The following FSHR variants were observed in gnomAD, a reference collection of about 807,000 sequenced individuals.
FSHR encodes the protein follicle-stimulating hormone receptor.
In FSHR, 46 loss-of-function variants were observed where a neutral mutation model predicts 52.1. The ratio of observed to expected loss-of-function variants is 0.88; its 90% CI spans 0.70 to 1.13. FSHR has a LOEUF of 1.13. FSHR is among the 50% of genes most tolerant of loss of function. The pLI is 0.00. For missense variants in FSHR, 964 were observed against 834.6 expected (o/e 1.16, Z -1.91); for synonymous variants, 399 against 309.6 (o/e 1.29, Z -3.03).
At chr2:49,096,235 A>C (rs1206817519) in intron 1 of FSHR, among the ~76,000 whole-genome samples, 1 of 152,226 alleles carries the variant, frequency 6.6e-6, no homozygotes, top group Non-Finnish European at 1.5e-5. Flanking sequence ...TGAATGAATA[A>C]ACATAATGTA....
intron 1 of FSHR, among the ~76,000 whole-genome samples, chr2:49,073,914 A>C (rs1669849951): frequency 6.6e-6 from 1 of 152,102 alleles, no homozygotes. Context: ...TTTTTGACAA[A>C]GGTGTCAAGA....
At chr2:49,143,742 T>C (rs568031444) in intron 1 of FSHR, among the ~76,000 whole-genome samples, 63 of 152,240 alleles carry the variant, frequency 4.1e-4, no homozygotes, top group African/African-American at 1.5e-3. Context: ...TGAATTAAAA[T>C]CTGCATTCCA....
chr2:49,034,712 C>T (rs771001727), intron 2 of FSHR, among the ~76,000 whole-genome samples: 11 of 152,128 alleles, frequency 7.2e-5, no homozygotes, highest in Non-Finnish European at 1.5e-4. Flanking sequence ...GACGATACTG[C>T]GATTCCCTGC....
chr2:49,068,870 C>G (rs1303932205), intron 1 of FSHR, among the ~76,000 whole-genome samples: 2 of 152,096 alleles, frequency 1.3e-5, no homozygotes, highest in African/African-American at 2.4e-5. Context: ...GTTTCCCTCT[C>G]TGCTAGTCCC....
chr2:49,030,368 C>T (rs1306536352), intron 2 of FSHR, among the ~76,000 whole-genome samples: 1 of 151,254 alleles, frequency 6.6e-6, no homozygotes, highest in Non-Finnish European at 1.5e-5. Flanking sequence ...CCAAAACCTT[C>T]CTTAATAATT....
At chr2:49,001,068 C>A (rs559510081) in intron 4 of FSHR, among the ~76,000 whole-genome samples, 1 of 151,900 alleles carries the variant, frequency 6.6e-6, no homozygotes, top group East Asian at 1.9e-4. Context: ...TTATGATTAC[C>A]ATTTTACTGA....
chr2:48,996,803 C>G (rs756355198), intron 4 of FSHR, among the ~76,000 whole-genome samples: 13 of 152,122 alleles, frequency 8.5e-5, no homozygotes, highest in Non-Finnish European at 1.8e-4. Context: ...AAGTGTTTCA[C>G]GTACTGATTT....
intron 6 of FSHR, 111 bp from the exon 7 acceptor site, chr2:48,983,277 G>T: frequency 1.1e-6 from 1 of 921,134 alleles, no homozygotes. Context: ...GTGGCATAAA[G>T]AAAATGCCAC....
chr2:49,057,802 A>G (rs1014998679), intron 2 of FSHR, among the ~76,000 whole-genome samples: 1 of 152,158 alleles, frequency 6.6e-6, no homozygotes, highest in African/African-American at 2.4e-5. Flanking sequence ...AACCAATAAG[A>G]CATCAAAGAA....
chr2:49,103,756 C>A (rs1044204157), intron 1 of FSHR, among the ~76,000 whole-genome samples: 2 of 152,080 alleles, frequency 1.3e-5, no homozygotes, highest in African/African-American at 4.8e-5. Context: ...ACATAAGGGT[C>A]AGGGTTTTCC....
intron 8 of FSHR, among the ~76,000 whole-genome samples, chr2:48,977,445 G>T (rs1387560382): frequency 6.6e-6 from 1 of 152,168 alleles, no homozygotes; most frequent in Non-Finnish European, 1.5e-5. Flanking sequence ...TCAATAAATA[G>T]TTGGTAAACT....
chr2:49,037,163 C>T (rs890672273), intron 2 of FSHR, among the ~76,000 whole-genome samples: 2 of 152,156 alleles, frequency 1.3e-5, no homozygotes, highest in African/African-American at 4.8e-5. Context: ...AAGCAGTATC[C>T]TGAGGCCCTT....
At chr2:49,080,768 C>G (rs1366474043) in intron 1 of FSHR, among the ~76,000 whole-genome samples, 1 of 152,044 alleles carries the variant, frequency 6.6e-6, no homozygotes, top group Non-Finnish European at 1.5e-5. Context: ...TGGCTAATGC[C>G]CAGAGACAGC....
intron 1 of FSHR, among the ~76,000 whole-genome samples, chr2:49,111,718 T>C (rs1382812692): frequency 6.6e-6 from 1 of 152,140 alleles, no homozygotes; most frequent in African/African-American, 2.4e-5. Flanking sequence ...TCAGCAAGTG[T>C]CTATTATGAG....
At chr2:48,979,930 C>T (rs1675172446) in intron 8 of FSHR, among the ~76,000 whole-genome samples, 1 of 152,162 alleles carries the variant, frequency 6.6e-6, no homozygotes, top group African/African-American at 2.4e-5. Flanking sequence ...ACTCTTACCT[C>T]TTAACTCATC....
At position 49,087,510 on chromosome 2, in the gene FSHR, A is replaced by G. The variant is rs530791979; in HGVS notation, c.153-19220T>C. Among the ~76,000 whole-genome samples, 91 of 152,352 alleles carry G rather than the reference A, an allele frequency of 6.0e-4. 1 individual carries two copies. Among genetic ancestry groups the G allele is most frequent in the African/African-American group, 2.2e-3 (90 of 41,594 alleles). On this transcript the variant is annotated intron_variant, in intron 1 of 9. Coordinates refer to ENST00000406846, the MANE Select transcript of FSHR (RefSeq NM_000145.4). ...GGACATATGATAAAAAAGACGAAGT[A>G]TCTGCCCTAATTAGCTTATGTTCTA...
chr2:49,090,770 G>T (rs1202280678), intron 1 of FSHR, among the ~76,000 whole-genome samples: 4 of 152,158 alleles, frequency 2.6e-5, no homozygotes, highest in Non-Finnish European at 5.9e-5. Context: ...ATCCTTGTCA[G>T]CATGCAGTAG....
At chr2:49,020,626 C>T (rs1013885946) in intron 2 of FSHR, among the ~76,000 whole-genome samples, 8 of 151,888 alleles carry the variant, frequency 5.3e-5, no homozygotes, top group African/African-American at 1.9e-4. Flanking sequence ...AAAGGTAACA[C>T]ATGAATGAAT....
At chr2:49,136,149 C>G (rs981533163) in intron 1 of FSHR, among the ~76,000 whole-genome samples, 2 of 151,844 alleles carry the variant, frequency 1.3e-5, no homozygotes, top group Non-Finnish European at 2.9e-5. Flanking sequence ...AGATAGTAGA[C>G]TCAAATTAGT....
Sources: allele counts gnomAD v4.1 joint callset (sites outside exome capture counted in the v4.1 genomes callset), GRCh38; gene constraint gnomAD v4.1.1; transcripts MANE v1.5; gene names NCBI Gene and HGNC (gene_info 2026-07-23, HGNC 2026-07-21).